SPATA16: variants seen among roughly 807,000 people sequenced by gnomAD.
SPATA16 encodes the protein spermatogenesis associated 16.
In SPATA16, 36 loss-of-function variants were observed where a neutral mutation model predicts 63.3. That is an observed-to-expected ratio of 0.57 (90% CI 0.44 to 0.75). SPATA16 has a LOEUF of 0.75. Among genes scored for constraint, SPATA16 ranks in the 30% least tolerant of loss-of-function variants. The pLI, the probability that SPATA16 is intolerant of heterozygous loss-of-function variation, is 0.00. For synonymous variants in SPATA16, 203 were observed against 216.7 expected (o/e 0.94, Z 0.56); for missense variants, 646 against 679.3 (o/e 0.95, Z 0.54).
chr3:172,914,313 A>G (rs1732433633), intron 9 of SPATA16, among the ~76,000 whole-genome samples: 1 of 152,164 alleles, frequency 6.6e-6, no homozygotes, highest in African/African-American at 2.4e-5. Flanking sequence ...CTTTGCCCCA[A>G]ACAGGCACCT....
chr3:172,955,407 T>C (rs1423998771), intron 6 of SPATA16, among the ~76,000 whole-genome samples: 3 of 152,178 alleles, frequency 2.0e-5, no homozygotes, highest in African/African-American at 7.2e-5. Flanking sequence ...TAAATATCCA[T>C]AAGAATAATG....
chr3:172,918,487 C>T (rs1201117304), intron 8 of SPATA16, among the ~76,000 whole-genome samples: 2 of 152,058 alleles, frequency 1.3e-5, no homozygotes, highest in Non-Finnish European at 2.9e-5. Context: ...CCCTCCTCCC[C>T]CCGAAGCCAA....
intron 10 of SPATA16, among the ~76,000 whole-genome samples, chr3:172,910,133 G>A (rs1239321423): frequency 3.6e-5 from 5 of 139,160 alleles, no homozygotes; most frequent in African/African-American, 8.1e-5. Context: ...TCACTCTGTC[G>A]CCCAGGCTGG....
intron 2 of SPATA16, among the ~76,000 whole-genome samples, chr3:173,083,001 A>G (rs915119934): frequency 4.6e-5 from 7 of 152,190 alleles, no homozygotes; most frequent in African/African-American, 7.2e-5. Flanking sequence ...TTTATAAAAT[A>G]AAAGAAATGC....
chr3:173,037,391 A>G (rs1431596520), intron 3 of SPATA16, among the ~76,000 whole-genome samples: 2 of 152,076 alleles, frequency 1.3e-5, no homozygotes, highest in African/African-American at 4.8e-5. Context: ...TCTAAAAACA[A>G]AGCAAAATGA....
At chr3:172,973,473 C>T (rs1373973759) in intron 5 of SPATA16, among the ~76,000 whole-genome samples, 1 of 152,170 alleles carries the variant, frequency 6.6e-6, no homozygotes, top group Non-Finnish European at 1.5e-5. Flanking sequence ...GTTACCTTTT[C>T]TCACTTCACT....
chr3:172,953,440 G>A (rs1733499805), intron 6 of SPATA16, among the ~76,000 whole-genome samples: 1 of 152,182 alleles, frequency 6.6e-6, no homozygotes, highest in African/African-American at 2.4e-5. Context: ...TCAGAAAGTG[G>A]CTGGGTTCAC....
chr3:173,119,485 C>G (rs1737998525), intron 1 of SPATA16, among the ~76,000 whole-genome samples: 3 of 152,122 alleles, frequency 2.0e-5, no homozygotes, highest in African/African-American at 7.2e-5. Context: ...CATGGACATA[C>G]CAAAGGATCT....
intron 6 of SPATA16, among the ~76,000 whole-genome samples, chr3:172,956,222 A>G (rs1733591375): frequency 6.6e-6 from 1 of 152,128 alleles, no homozygotes; most frequent in African/African-American, 2.4e-5. Flanking sequence ...AGCTATCCAG[A>G]TCTCATTTGG....
In SPATA16 at chr3:172,912,932, T is replaced by C. The variant is rs549114705; in HGVS notation, c.1587+729A>G. Among the ~76,000 whole-genome samples, 99 of 152,286 alleles carry C rather than the reference T, an allele frequency of 6.5e-4. 1 individual carries two copies. In the South Asian group the frequency reaches 0.02, roughly 31 times the overall value. The stretch of plus-strand genomic sequence containing the variant: ...GTTTCCTCAGGTGCTCCAGAATCCC[T>C]TAGGGTTGGCTTTTAAACTGAAGGT... On this transcript the variant is annotated intron_variant, in intron 10 of 10. Coordinates refer to ENST00000351008, the MANE Select transcript of SPATA16 (RefSeq NM_031955.6).
chr3:173,094,188 A>T (rs938133815), intron 2 of SPATA16, among the ~76,000 whole-genome samples: 1 of 152,136 alleles, frequency 6.6e-6, no homozygotes, highest in East Asian at 1.9e-4. Flanking sequence ...TTGTATTTTC[A>T]TAATTGCTGG....
intron 1 of SPATA16, among the ~76,000 whole-genome samples, chr3:173,120,849 A>C (rs1738043810): frequency 6.6e-6 from 1 of 152,130 alleles, no homozygotes; most frequent in Non-Finnish European, 1.5e-5. Flanking sequence ...GTTTTAAGAA[A>C]TAGGATTCTG....
intron 2 of SPATA16, among the ~76,000 whole-genome samples, chr3:173,099,335 ATTG>A (rs1258336027): frequency 6.6e-6 from 1 of 152,110 alleles, no homozygotes; most frequent in Non-Finnish European, 1.5e-5. Flanking sequence ...ATTACAGCAT[ATTG>A]TTCTAATTGT....
intron 6 of SPATA16, among the ~76,000 whole-genome samples, chr3:172,949,774 C>T (rs1733384858): frequency 6.6e-6 from 1 of 151,946 alleles, no homozygotes; most frequent in South Asian, 2.1e-4. Flanking sequence ...ACCTGAGAAA[C>T]TGGTAAGACC....
chr3:172,994,532 G>A (rs979852232), intron 4 of SPATA16, among the ~76,000 whole-genome samples: 2 of 152,136 alleles, frequency 1.3e-5, no homozygotes, highest in African/African-American at 4.8e-5. Context: ...TGAAATCTGT[G>A]TGTGTGTATG....
chr3:172,993,797 G>A (rs1734636447), intron 4 of SPATA16, among the ~76,000 whole-genome samples: 1 of 151,902 alleles, frequency 6.6e-6, no homozygotes, highest in African/African-American at 2.4e-5. Context: ...TAACCTCTTT[G>A]TACCATGCTG....
chr3:172,959,118 G>T (rs557853950), intron 5 of SPATA16, among the ~76,000 whole-genome samples: 1 of 152,232 alleles, frequency 6.6e-6, no homozygotes, highest in Admixed American at 6.5e-5. Context: ...CCTCCAGTTT[G>T]CTTCCAGAAA....
chr3:173,048,253 G>A (rs978509228), intron 3 of SPATA16, among the ~76,000 whole-genome samples: 1 of 152,000 alleles, frequency 6.6e-6, no homozygotes, highest in Non-Finnish European at 1.5e-5. Context: ...GAAAGCGTTT[G>A]TTGAAAGGCA....
chr3:173,029,405 A>T (rs1735543549), intron 3 of SPATA16, among the ~76,000 whole-genome samples: 1 of 110,160 alleles, frequency 9.1e-6, no homozygotes, highest in Admixed American at 9.1e-5. Flanking sequence ...CAGTAATCAG[A>T]GTTTTTTTTT....
Sources: allele counts gnomAD v4.1 joint callset (sites outside exome capture counted in the v4.1 genomes callset), GRCh38; gene constraint gnomAD v4.1.1; transcripts MANE v1.5; gene names NCBI Gene and HGNC (gene_info 2026-07-23, HGNC 2026-07-21).